The following ZNF44 variants were observed in gnomAD, a reference collection of about 807,000 sequenced individuals.
ZNF44 encodes the protein zinc finger protein 44, also known as gonadotropin inducible transcription repressor-2.
A neutral mutation model predicts 11.7 loss-of-function variants in ZNF44; 9 were observed. The ratio of observed to expected loss-of-function variants is 0.77; its 90% CI spans 0.46 to 1.35. ZNF44 has a LOEUF of 1.35. ZNF44 is among the 40% of genes most tolerant of loss of function. ZNF44 has a pLI of 0.00. For synonymous variants in ZNF44, 224 were observed against 242.7 expected (o/e 0.92, Z 0.72); for missense variants, 696 against 743.1 (o/e 0.94, Z 0.74).
At chr19:12,281,391 T>C (rs984974914) in intron 1 of ZNF44, among the ~76,000 whole-genome samples, 1 of 152,170 alleles carries the variant, frequency 6.6e-6, no homozygotes, top group Non-Finnish European at 1.5e-5. Context: ...TGATGAAAAG[T>C]GATATATCTT....
intron 1 of ZNF44, among the ~76,000 whole-genome samples, chr19:12,285,879 C>A (rs190494160): frequency 6.6e-6 from 1 of 151,854 alleles, no homozygotes; most frequent in East Asian, 1.9e-4. Context: ...ATTAGCCAGG[C>A]GTGGTGGCGG....
intron 7 of ZNF44, among the ~76,000 whole-genome samples, chr19:12,249,162 T>C (rs1363105213): frequency 6.6e-6 from 1 of 151,704 alleles, no homozygotes; most frequent in African/African-American, 2.4e-5. Flanking sequence ...GCTGGGATTA[T>C]AGGCGGGAGC....
intron 5 of ZNF44, among the ~76,000 whole-genome samples, chr19:12,262,325 C>T (rs1419375061): frequency 6.6e-6 from 1 of 152,024 alleles, no homozygotes; most frequent in Non-Finnish European, 1.5e-5. Context: ...GGCTGGAGTG[C>T]AATGGTGTGA....
chr19:12,263,561 G>A (rs1196078303), intron 5 of ZNF44, among the ~76,000 whole-genome samples: 1 of 152,050 alleles, frequency 6.6e-6, no homozygotes, highest in Non-Finnish European at 1.5e-5. Context: ...AGTCCCTGAG[G>A]CTACAAGTTT....
At chr19:12,245,924 A>G (rs1384699984), downstream of ZNF44, among the ~76,000 whole-genome samples, 3 of 152,196 alleles carry the variant, frequency 2.0e-5, no homozygotes, top group Non-Finnish European at 4.4e-5. Context: ...CCTGACAATC[A>G]AGAGTTTCTT....
exon 8 of ZNF44, chr19:12,247,807 G>A (rs762393025): frequency 2.3e-6 from 3 of 1,300,294 alleles, no homozygotes; most frequent in African/African-American, 1.5e-5. Flanking sequence ...GTACTTTCAT[G>A]TGCTTGAAAA....
At chr19:12,259,049 A>AT (rs1917386850) in intron 5 of ZNF44, among the ~76,000 whole-genome samples, 2 of 151,854 alleles carry the variant, frequency 1.3e-5, no homozygotes, top group Non-Finnish European at 2.9e-5. Context: ...TAATTTTTGT[A>AT]TTTTTTGTAG....
At chr19:12,277,517 T>TA (rs919170125) in intron 1 of ZNF44, among the ~76,000 whole-genome samples, 16 of 151,894 alleles carry the variant, frequency 1.1e-4, no homozygotes, top group Middle Eastern at 3.4e-3. Flanking sequence ...TAAAGATGCT[T>TA]AAAAAAAACC....
At chr19:12,249,505 CA>C (rs1263275604) in intron 7 of ZNF44, among the ~76,000 whole-genome samples, 1 of 105,016 alleles carries the variant, frequency 9.5e-6, no homozygotes, top group African/African-American at 4.1e-5. Context: ...GACTCCGTCT[CA>C]GAAAAAAAAA....
chr19:12,226,329 C>T (rs1423628115), exon 4 of ZNF44: 1 of 152,152 alleles, frequency 6.6e-6, no homozygotes, highest in Non-Finnish European at 1.5e-5. Context: ...TCTAAGATAA[C>T]TTGGGACTCC....
At chr19:12,267,859 C>CA, downstream of ZNF44, among the ~76,000 whole-genome samples, 1 of 148,226 alleles carries the variant, frequency 6.7e-6, no homozygotes, top group Non-Finnish European at 1.5e-5. Flanking sequence ...ATTTTTGAGA[C>CA]AGAGTCTTGC....
At chr19:12,248,036 T>A in exon 8 of ZNF44, 1 of 1,337,016 alleles carries the variant, frequency 7.5e-7, no homozygotes, top group Non-Finnish European at 9.9e-7. Context: ...CATAGGGTTT[T>A]TCTCCAGTGT....
chr19:12,248,083 T>C (rs757097640), exon 8 of ZNF44: 4 of 1,318,008 alleles, frequency 3.0e-6, no homozygotes, highest in East Asian at 5.2e-5. Flanking sequence ...ACAGAAGATA[T>C]GTAGGTTTTT....
intron 5 of ZNF44, among the ~76,000 whole-genome samples, chr19:12,265,837 C>T (rs62111279): frequency 6.6e-6 from 1 of 152,336 alleles, no homozygotes; most frequent in East Asian, 1.9e-4. Flanking sequence ...TAAAAGTCGT[C>T]GAGAGGGTCT....
At chr19:12,267,036 CTTTTT>C (rs958864582), downstream of ZNF44, among the ~76,000 whole-genome samples, 6 of 147,746 alleles carry the variant, frequency 4.1e-5, no homozygotes, top group African/African-American at 1.5e-4. Flanking sequence ...CTCATTTTTT[CTTTTT>C]TCTTTTTTTT....
chr19:12,250,470 A>G (rs1916945281), intron 5 of ZNF44: 1 of 1,027,972 alleles, frequency 9.7e-7, no homozygotes, highest in South Asian at 1.6e-5. Context: ...TGTGATCTCC[A>G]GAGATTTATT....
At chr19:12,258,139 C>T (rs1249999663) in intron 5 of ZNF44, among the ~76,000 whole-genome samples, 6 of 111,086 alleles carry the variant, frequency 5.4e-5, no homozygotes, top group Non-Finnish European at 1.0e-4. Flanking sequence ...GCCTGGACAA[C>T]ATAGTGAGAT....
chr19:12,286,609 C>A (rs1048815059), intron 1 of ZNF44, among the ~76,000 whole-genome samples: 1 of 151,118 alleles, frequency 6.6e-6, no homozygotes, highest in African/African-American at 2.4e-5. Flanking sequence ...TGCACTCCAG[C>A]CTGGGTGAAA....
chr19:12,247,397 G>A (rs2145687734), downstream of ZNF44: 1 of 1,309,004 alleles, frequency 7.6e-7, no homozygotes, highest in East Asian at 5.4e-5. Context: ...GCACTCGAAA[G>A]CCTGTAAGGA....
Sources: gnomAD v4.1 joint callset for allele counts (sites outside exome capture counted in the v4.1 genomes callset) on GRCh38, gnomAD v4.1.1 for gene constraint, MANE v1.5 for transcripts, NCBI Gene and HGNC (gene_info 2026-07-23, HGNC 2026-07-21) for gene names.